CNTNAP2: variants seen among roughly 807,000 people sequenced by gnomAD.
CNTNAP2 encodes contactin associated protein 2, also known as contactin-associated protein-like 2.
CNTNAP2 carries 98 observed loss-of-function variants against 155.2 expected under a neutral mutation model. That is an observed-to-expected ratio of 0.63 (90% CI 0.54 to 0.75). CNTNAP2 has a LOEUF of 0.75. Among genes scored for constraint, CNTNAP2 ranks in the 30% least tolerant of loss-of-function variants. The pLI, the probability that CNTNAP2 is intolerant of heterozygous loss-of-function variation, is 0.00. For synonymous variants in CNTNAP2, 651 were observed against 631.2 expected (o/e 1.03, Z -0.47); for missense variants, 1,727 against 1,688.1 (o/e 1.02, Z -0.40).
At chr7:147,790,136 A>G (rs80057680) in intron 13 of CNTNAP2, among the ~76,000 whole-genome samples, 3,603 of 152,130 alleles carry the variant, frequency 0.024, 127 homozygotes, top group African/African-American at 0.083. Context: ...TTTAGTTGTC[A>G]TGTCTGTTTA....
At chr7:147,294,820 G>A (rs774003592) in intron 8 of CNTNAP2, among the ~76,000 whole-genome samples, 13 of 151,756 alleles carry the variant, frequency 8.6e-5, no homozygotes, top group Non-Finnish European at 1.0e-4. Context: ...CACCACACCC[G>A]GCTAATTTTT....
chr7:146,980,994 T>G (rs963202161), intron 3 of CNTNAP2, among the ~76,000 whole-genome samples: 2 of 152,116 alleles, frequency 1.3e-5, no homozygotes, highest in African/African-American at 4.8e-5. Context: ...TCACTTCTAC[T>G]CATATTCCCT....
At chr7:146,663,912 G>A (rs1800139661) in intron 1 of CNTNAP2, among the ~76,000 whole-genome samples, 1 of 152,074 alleles carries the variant, frequency 6.6e-6, no homozygotes, top group Non-Finnish European at 1.5e-5. Context: ...CTAGGTGAAT[G>A]TGGTAAAAGC....
At chr7:147,535,393 G>GA (rs1488163563) in intron 11 of CNTNAP2, among the ~76,000 whole-genome samples, 2 of 151,736 alleles carry the variant, frequency 1.3e-5, no homozygotes, top group Non-Finnish European at 2.9e-5. Context: ...CTCTGTCTCA[G>GA]AAAAATAAAA....
At chr7:147,025,865 TA>T (rs1189074176) in intron 3 of CNTNAP2, among the ~76,000 whole-genome samples, 74 of 93,604 alleles carry the variant, frequency 7.9e-4, no homozygotes, top group South Asian at 3.3e-3. Context: ...TTTTTTTTTT[TA>T]AATTTTTATA....
At chr7:147,539,805 A>C (rs1799608047) in intron 11 of CNTNAP2, among the ~76,000 whole-genome samples, 2 of 152,146 alleles carry the variant, frequency 1.3e-5, no homozygotes, top group Non-Finnish European at 2.9e-5. Flanking sequence ...ATTTTTAGGA[A>C]TTGTTCATTC....
At chr7:148,254,775 CAAA>C (rs55711921) in intron 20 of CNTNAP2, among the ~76,000 whole-genome samples, 74,578 of 119,822 alleles carry the variant, frequency 0.62, 21,480 homozygotes, top group South Asian at 0.75. Context: ...GACTCCATCT[CAAA>C]AAAAAAAAAA....
At chr7:147,410,703 G>A (rs996816531) in intron 10 of CNTNAP2, among the ~76,000 whole-genome samples, 2 of 151,970 alleles carry the variant, frequency 1.3e-5, no homozygotes, top group Non-Finnish European at 1.5e-5. Context: ...GAGACGTGAT[G>A]TTAGTGTAAA....
At chr7:148,178,683 G>A (rs1313087459) in intron 18 of CNTNAP2, among the ~76,000 whole-genome samples, 1 of 152,172 alleles carries the variant, frequency 6.6e-6, no homozygotes, top group Non-Finnish European at 1.5e-5. Flanking sequence ...TTGTCACTGA[G>A]CCTTATCTTC....
chr7:146,754,312 G>A (rs1449098620), intron 1 of CNTNAP2, among the ~76,000 whole-genome samples: 1 of 151,924 alleles, frequency 6.6e-6, no homozygotes, highest in Non-Finnish European at 1.5e-5. Flanking sequence ...AGTTAAGCCT[G>A]CTATAAACAG....
chr7:146,195,294 G>T (rs967146497), intron 1 of CNTNAP2: 3 of 152,156 alleles, frequency 2.0e-5, no homozygotes, highest in African/African-American at 7.2e-5. Flanking sequence ...ATGTGCCAAT[G>T]AACCAAGGAA....
chr7:147,975,322 TG>T lies in CNTNAP2; in HGVS notation c.2256-2534del, dbSNP rs200112779. On this transcript the variant is annotated intron_variant, in intron 14 of 23. Coordinates refer to ENST00000361727, the MANE Select transcript of CNTNAP2 (RefSeq NM_014141.6). ...TGGAGTGTACTGATTGGGAAGGGCA[TG>T]GGGGGTGCTTCTAGGGTGCTGGAGC... 4.3e-4 allele frequency among the ~76,000 whole-genome samples: 65 copies of T among 151,976 alleles called. No individual in the cohort carries two copies. The East Asian group carries it at 0.012, about 28-fold the overall frequency.
Position 146,123,589 on chromosome 7 carries a change from T to C in CNTNAP2, c.97+6616T>C, listed in dbSNP as rs190303485. Among the ~76,000 whole-genome samples the C allele has an allele frequency of 2.8e-4, 42 of 152,314 alleles. No homozygotes were observed. In the East Asian group the frequency reaches 5.2e-3, roughly 19 times the overall value. On this transcript the variant is annotated intron_variant, in intron 1 of 23. Coordinates refer to ENST00000361727, the MANE Select transcript of CNTNAP2 (RefSeq NM_014141.6). ...TCACCTCTATGCATTAGATGTCATA[T>C]TGAAATAGTATGTGAAAAGGAAAAT...
intron 13 of CNTNAP2, among the ~76,000 whole-genome samples, chr7:147,839,795 C>T (rs1798696295): frequency 6.6e-6 from 1 of 152,088 alleles, no homozygotes; most frequent in South Asian, 2.1e-4. Flanking sequence ...CACTTGTATG[C>T]TTATTGCAGC....
At chr7:147,657,587 A>G (rs940250270) in intron 13 of CNTNAP2, among the ~76,000 whole-genome samples, 2 of 152,222 alleles carry the variant, frequency 1.3e-5, no homozygotes, top group African/African-American at 4.8e-5. Flanking sequence ...CAATTCCAGT[A>G]AGATATATAA....
chr7:147,635,720 G>A (rs1795169195), intron 12 of CNTNAP2, among the ~76,000 whole-genome samples: 1 of 152,172 alleles, frequency 6.6e-6, no homozygotes, highest in Non-Finnish European at 1.5e-5. Context: ...GATAGAGACT[G>A]TAAATGGGTG....
intron 2 of CNTNAP2, among the ~76,000 whole-genome samples, chr7:146,837,767 C>T (rs1290118999): frequency 6.6e-6 from 1 of 152,118 alleles, no homozygotes; most frequent in Non-Finnish European, 1.5e-5. Flanking sequence ...TCAGGTGTGT[C>T]CAGACTAGCC....
intron 21 of CNTNAP2, among the ~76,000 whole-genome samples, chr7:148,359,346 C>T (rs765016002): frequency 5.3e-5 from 8 of 152,212 alleles, no homozygotes; most frequent in Non-Finnish European, 1.0e-4. Flanking sequence ...ATAGGCAAAG[C>T]CTCCCTTCTT....
At chr7:147,647,794 G>T (rs1400511941) in intron 13 of CNTNAP2, among the ~76,000 whole-genome samples, 1 of 152,242 alleles carries the variant, frequency 6.6e-6, no homozygotes, top group Non-Finnish European at 1.5e-5. Flanking sequence ...ACAGTAGGAA[G>T]AAAGAATCAG....
Sources: gnomAD v4.1 joint callset for allele counts (sites outside exome capture counted in the v4.1 genomes callset) on GRCh38, gnomAD v4.1.1 for gene constraint, MANE v1.5 for transcripts, NCBI Gene and HGNC (gene_info 2026-07-23, HGNC 2026-07-21) for gene names.